The following TAS2R1 variants were observed in gnomAD, a reference collection of about 807,000 sequenced individuals.
The protein encoded by TAS2R1 is taste receptor type 2 member 1.
For synonymous variants in TAS2R1, 141 were observed against 134.2 expected (o/e 1.05, Z -0.35); for missense variants, 370 against 353.4 (o/e 1.05, Z -0.38).
chr5:9,790,022 C>A, the TAS2R1 span, among the ~76,000 whole-genome samples: 11 of 152,332 alleles, frequency 7.2e-5, no homozygotes, highest in African/African-American at 2.6e-4. Flanking sequence ...TATCACTCTG[C>A]TCATGTTCTT....
chr5:9,789,084 T>C, the TAS2R1 span, among the ~76,000 whole-genome samples: 1 of 152,156 alleles, frequency 6.6e-6, no homozygotes, highest in Admixed American at 6.5e-5. Flanking sequence ...AATGAGCTAG[T>C]AGACACCATT....
chr5:9,678,910 C>A lies in TAS2R1; in HGVS notation c.-241-19329G>T, dbSNP rs114118911. ...TTACCTATGTAACAAACTTGTATATCCTGCACATGTACCCTGGAACTTAAA... is the reference window on the plus strand; with the variant it reads ...TTACCTATGTAACAAACTTGTATATACTGCACATGTACCCTGGAACTTAAA... On this transcript the variant is annotated intron_variant, in intron 1 of 2. Transcript: ENST00000506620. Among the ~76,000 whole-genome samples, 1,048 of 152,210 alleles carry A rather than the reference C, an allele frequency of 6.9e-3. 17 individuals are homozygous for A. The highest frequency in any genetic ancestry group is 0.024 in the African/African-American group (1,012 of 41,518).
the TAS2R1 span, among the ~76,000 whole-genome samples, chr5:9,728,344 T>C: frequency 1.3e-5 from 2 of 152,230 alleles, no homozygotes; most frequent in Non-Finnish European, 2.9e-5. Context: ...ACAGACATTT[T>C]TAAAAATAAG....
intron 1 of TAS2R1, among the ~76,000 whole-genome samples, chr5:9,705,867 C>CCA (rs398108592): frequency 6.6e-6 from 1 of 151,238 alleles, no homozygotes; most frequent in Admixed American, 6.6e-5. Flanking sequence ...CATCCCCCCC[C>CCA]AAAAAAAGAC....
the TAS2R1 span, among the ~76,000 whole-genome samples, chr5:9,732,541 G>A: frequency 2.0e-5 from 3 of 152,198 alleles, no homozygotes; most frequent in African/African-American, 4.8e-5. Flanking sequence ...GGCATAGACA[G>A]GAGGCCAGGG....
chr5:9,864,897 C>A, the TAS2R1 span, among the ~76,000 whole-genome samples: 1 of 152,232 alleles, frequency 6.6e-6, no homozygotes, highest in South Asian at 2.1e-4. Context: ...TGCCCCATAA[C>A]CAAGCGAGGG....
the TAS2R1 span, among the ~76,000 whole-genome samples, chr5:9,849,179 A>T: frequency 2.6e-5 from 4 of 152,204 alleles, no homozygotes; most frequent in African/African-American, 9.6e-5. Flanking sequence ...AACTGAAAAG[A>T]CACATGGATC....
chr5:9,736,112 C>T, the TAS2R1 span, among the ~76,000 whole-genome samples: 3 of 152,332 alleles, frequency 2.0e-5, no homozygotes, highest in South Asian at 2.1e-4. Context: ...CAGCTTTGTA[C>T]GGAAAGTCAT....
the TAS2R1 span, among the ~76,000 whole-genome samples, chr5:9,780,564 C>T: frequency 6.6e-6 from 1 of 152,150 alleles, no homozygotes; most frequent in South Asian, 2.1e-4. Flanking sequence ...GGAGAAGGGG[C>T]TCTTCCTTCT....
chr5:9,694,497 C>A, intron 1 of TAS2R1, among the ~76,000 whole-genome samples: 1 of 152,198 alleles, frequency 6.6e-6, no homozygotes, highest in African/African-American at 2.4e-5. Flanking sequence ...ATTTGGGCTT[C>A]AATCATTTTA....
intron 1 of TAS2R1, among the ~76,000 whole-genome samples, chr5:9,678,914 C>A (rs1358529457): frequency 1.3e-5 from 2 of 152,224 alleles, no homozygotes; most frequent in African/African-American, 4.8e-5. Flanking sequence ...GTATATCCTG[C>A]ACATGTACCC....
At chr5:9,880,585 C>A in the TAS2R1 span, among the ~76,000 whole-genome samples, 6 of 152,184 alleles carry the variant, frequency 3.9e-5, no homozygotes, top group African/African-American at 9.7e-5. Context: ...GCATCCCTAT[C>A]CTCTATCATG....
At chr5:9,867,799 G>A in the TAS2R1 span, among the ~76,000 whole-genome samples, 6 of 152,204 alleles carry the variant, frequency 3.9e-5, no homozygotes, top group East Asian at 7.7e-4. Context: ...CTATGAGCCT[G>A]TAAAATCAAA....
chr5:9,743,486 T>A, the TAS2R1 span, among the ~76,000 whole-genome samples: 1 of 152,088 alleles, frequency 6.6e-6, no homozygotes, highest in Non-Finnish European at 1.5e-5. Flanking sequence ...ATGGAAAAAA[T>A]AAACATGGAA....
chr5:9,742,442 G>A, the TAS2R1 span, among the ~76,000 whole-genome samples: 1 of 152,144 alleles, frequency 6.6e-6, no homozygotes, highest in South Asian at 2.1e-4. Flanking sequence ...TAATCTCAAT[G>A]TCCCTAACAT....
chr5:9,712,694 G>A (rs1397040491), upstream of TAS2R1, among the ~76,000 whole-genome samples: 1 of 152,208 alleles, frequency 6.6e-6, no homozygotes, highest in African/African-American at 2.4e-5. Flanking sequence ...CATCATGTGA[G>A]TCAACTCTTT....
the TAS2R1 span, among the ~76,000 whole-genome samples, chr5:9,886,792 GATAA>G: frequency 2.0e-5 from 3 of 151,996 alleles, no homozygotes; most frequent in Non-Finnish European, 2.9e-5. Flanking sequence ...TTACCTTGGG[GATAA>G]ATAATCTGTA....
chr5:9,717,332 G>A (rs540012501), upstream of TAS2R1, among the ~76,000 whole-genome samples: 8 of 151,970 alleles, frequency 5.3e-5, no homozygotes, highest in South Asian at 1.7e-3. Flanking sequence ...ACTTAAGAAG[G>A]GGGAATAAGG....
the TAS2R1 span, among the ~76,000 whole-genome samples, chr5:9,807,736 A>G: frequency 3.3e-5 from 5 of 152,172 alleles, no homozygotes; most frequent in Non-Finnish European, 7.4e-5. Flanking sequence ...AGGCATAAGA[A>G]TGATACATTG....
Sources: allele counts gnomAD v4.1 joint callset (sites outside exome capture counted in the v4.1 genomes callset), GRCh38; gene constraint gnomAD v4.1.1; transcripts MANE v1.5; gene names NCBI Gene and HGNC (gene_info 2026-07-23, HGNC 2026-07-21).